Variants in GRIN2A observed in about 807,000 individuals in gnomAD.
GRIN2A encodes the protein glutamate ionotropic receptor NMDA type subunit 2A, also known as glutamate receptor ionotropic, NMDA 2A.
In GRIN2A, 22 loss-of-function variants were observed where a neutral mutation model predicts 113.4. The observed-to-expected ratio is 0.19, with a 90% CI of 0.14 to 0.28. The LOEUF (loss-of-function observed/expected upper bound fraction) is 0.28, where lower values mean the gene tolerates loss of function less well. Ranked by LOEUF, GRIN2A falls within the 10% of genes least tolerant of loss-of-function variation. The pLI is 1.00. For synonymous variants in GRIN2A, 827 were observed against 738.4 expected (o/e 1.12, Z -1.94); for missense variants, 1,502 against 1,887.0 (o/e 0.80, Z 3.78).
intron 2 of GRIN2A, among the ~76,000 whole-genome samples, chr16:10,125,883 C>T (rs78562298): frequency 6.6e-6 from 1 of 152,010 alleles, no homozygotes; most frequent in African/African-American, 2.4e-5. Flanking sequence ...TAGAGTACAG[C>T]GAGTTCTCTC....
chr16:10,094,883 C>CGA (rs2048256047), intron 2 of GRIN2A, among the ~76,000 whole-genome samples: 1 of 117,446 alleles, frequency 8.5e-6, no homozygotes, highest in Admixed American at 9.2e-5. Flanking sequence ...GAATGTGCAC[C>CGA]AAAAAAAAAA....
intron 2 of GRIN2A, among the ~76,000 whole-genome samples, chr16:10,130,160 G>A (rs930989879): frequency 1.3e-5 from 2 of 152,192 alleles, no homozygotes; most frequent in Non-Finnish European, 2.9e-5. Flanking sequence ...CTCATTCAAG[G>A]TTACATGGCT....
At chr16:10,156,621 T>TA (rs555661274) in intron 2 of GRIN2A, among the ~76,000 whole-genome samples, 4 of 152,052 alleles carry the variant, frequency 2.6e-5, no homozygotes, top group Admixed American at 6.6e-5. Context: ...TCTTCTGGCA[T>TA]AAAAAAAGAC....
At chr16:9,845,690 C>G (rs950952203) in intron 5 of GRIN2A, among the ~76,000 whole-genome samples, 1 of 152,190 alleles carries the variant, frequency 6.6e-6, no homozygotes, top group Non-Finnish European at 1.5e-5. Context: ...ATTGCCTCTA[C>G]CTGGAAGGCT....
intron 2 of GRIN2A, among the ~76,000 whole-genome samples, chr16:10,137,927 G>T (rs1470136583): frequency 6.6e-6 from 1 of 152,186 alleles, no homozygotes; most frequent in African/African-American, 2.4e-5. Flanking sequence ...CCTCTGAGGG[G>T]CCAGCTCCTT....
chr16:9,845,465 A>C lies in GRIN2A; in HGVS notation c.1328+4291T>G, dbSNP rs145767195. On this transcript the variant is annotated intron_variant, in intron 5 of 12. Coordinates refer to ENST00000330684, the MANE Select transcript of GRIN2A (RefSeq NM_001134407.3). ...TATCATAGGGGAGGTGTCCCACTGAAGTTAGACTCTGCTTTGTGCCAGCCA... is the reference window on the plus strand; with the variant it reads ...TATCATAGGGGAGGTGTCCCACTGACGTTAGACTCTGCTTTGTGCCAGCCA... Among the ~76,000 whole-genome samples the C allele has an allele frequency of 7.2e-3, 1,101 of 152,234 alleles. 9 individuals are homozygous for C. The highest frequency in any genetic ancestry group is 8.9e-3 in the Non-Finnish European group (603 of 68,022).
At chr16:9,769,154 T>C (rs1901104610) in intron 11 of GRIN2A, 65 bp from the exon 12 acceptor site, 2 of 1,283,524 alleles carry the variant, frequency 1.6e-6, no homozygotes, top group Non-Finnish European at 2.3e-6. Context: ...CAGACGCTTC[T>C]GGGTTTGGAA....
At chr16:10,057,161 G>T (rs559184949) in intron 2 of GRIN2A, among the ~76,000 whole-genome samples, 4 of 152,264 alleles carry the variant, frequency 2.6e-5, no homozygotes, top group African/African-American at 9.6e-5. Flanking sequence ...TATGTGCCAA[G>T]TGTTGTTCTG....
At chr16:9,899,442 A>T (rs2043873920) in intron 3 of GRIN2A, among the ~76,000 whole-genome samples, 1 of 144,200 alleles carries the variant, frequency 6.9e-6, no homozygotes, top group Admixed American at 6.9e-5. Flanking sequence ...CTCCGTCTCA[A>T]AAAAAAAAAA....
At chr16:9,840,591 C>T (rs2042656047) in intron 7 of GRIN2A, 56 bp downstream of exon 7, 1 of 1,532,716 alleles carries the variant, frequency 6.5e-7, no homozygotes, top group Non-Finnish European at 9.0e-7. Flanking sequence ...TCTGAGCAAA[C>T]AAGATTTCCT....
At chr16:9,861,543 A>T (rs2043068544) in intron 4 of GRIN2A, among the ~76,000 whole-genome samples, 2 of 152,184 alleles carry the variant, frequency 1.3e-5, no homozygotes, top group African/African-American at 4.8e-5. Context: ...TCTAAATGTA[A>T]TTGATCCAGA....
intron 2 of GRIN2A, among the ~76,000 whole-genome samples, chr16:10,108,253 C>A (rs1053663616): frequency 2.0e-5 from 3 of 152,160 alleles, no homozygotes; most frequent in Admixed American, 6.5e-5. Context: ...TGGCAGCAGG[C>A]AAAGACAGAG....
chr16:10,117,872 G>A (rs2142169223), intron 2 of GRIN2A, among the ~76,000 whole-genome samples: 1 of 152,344 alleles, frequency 6.6e-6, no homozygotes, highest in South Asian at 2.1e-4. Flanking sequence ...ATCCATTCTA[G>A]TTTTTTACTG....
Position 10,170,234 on chromosome 16 carries a change from G to A in GRIN2A, c.414+9764C>T, listed in dbSNP as rs533398748. 3.3e-5 allele frequency among the ~76,000 whole-genome samples: 5 copies of A among 152,302 alleles called. No homozygotes were observed. The East Asian group carries it at 7.7e-4, about 24-fold the overall frequency. The stretch of plus-strand genomic sequence containing the variant: ...CCTTGCAAAAACCATTCCCAAGTGA[G>A]TTGGATGTGATAGTTGGAACAGAGG... On this transcript the variant is annotated intron_variant, in intron 2 of 12. Coordinates refer to ENST00000330684, the MANE Select transcript of GRIN2A (RefSeq NM_001134407.3).
rs759574912 is a variant in GRIN2A at position 9,763,879 on chromosome 16, G to C, written c.3665C>G (p.Pro1222Arg). ...CATGGTGAAGTGGCCTGAATAGGTGGGCATGTTGGAAAGGCAGCTTCTGCA... is the reference window on the plus strand; with the variant it reads ...CATGGTGAAGTGGCCTGAATAGGTGCGCATGTTGGAAAGGCAGCTTCTGCA... Reference protein sequence around the residue: ...THCRSCLSNMPTYSGHFTMRS... With the variant: ...THCRSCLSNMRTYSGHFTMRS... Residue 1222 changes from proline (P) to arginine (R), a missense_variant, in exon 13 of 13, where the codon CCC (proline) becomes CGC (arginine). Physicochemically the swap from Pro to Arg is moderately radical, Grantham distance 103 (BLOSUM62 -2). Around this residue, in one of 7 missense-constraint regions of GRIN2A, gnomAD observed 832 missense variants for 789.7 expected, o/e 1.05. Transcript: ENST00000330684. 1 of 1,614,094 alleles carries C rather than the reference G, an allele frequency of 6.2e-7. No homozygotes were observed. Among genetic ancestry groups the C allele is most frequent in the Non-Finnish European group, 8.5e-7 (1 of 1,180,016 alleles).
rs1033856120 is a variant in GRIN2A at position 9,783,393 on chromosome 16, A to AT, written c.2357-14305dup. Among the ~76,000 whole-genome samples, 244 of 152,278 alleles carry AT rather than the reference A, an allele frequency of 1.6e-3. 1 individual carries two copies. The highest frequency in any genetic ancestry group is 5.3e-3 in the African/African-American group (222 of 41,564). ...TGGGGTTTTCAGTTTTGCCTGCTTT[A>AT]TTTTTAACACTGTTATTATAGTCAA... On this transcript the variant is annotated intron_variant, in intron 11 of 12. Transcript: ENST00000330684.
chr16:10,117,618 T>C (rs753623143), intron 2 of GRIN2A, among the ~76,000 whole-genome samples: 4 of 152,174 alleles, frequency 2.6e-5, no homozygotes, highest in African/African-American at 4.8e-5. Context: ...CCCGAACTGT[T>C]CACAGGGACC....
intron 12 of GRIN2A, among the ~76,000 whole-genome samples, chr16:9,768,149 T>C (rs1428758668): frequency 6.6e-6 from 1 of 152,160 alleles, no homozygotes; most frequent in Non-Finnish European, 1.5e-5. Flanking sequence ...CAAGCTCCGC[T>C]TCCCGGGTTC....
intron 4 of GRIN2A, among the ~76,000 whole-genome samples, chr16:9,874,312 C>T (rs1371556424): frequency 6.6e-6 from 1 of 152,158 alleles, no homozygotes; most frequent in Non-Finnish European, 1.5e-5. Flanking sequence ...CAGTTTACTG[C>T]AGGGGTGGGG....
Sources: gnomAD v4.1 joint callset for allele counts (sites outside exome capture counted in the v4.1 genomes callset) on GRCh38, gnomAD v4.1.1 for gene constraint, gnomAD v4.1.1 regional missense constraint, MANE v1.5 for transcripts, NCBI Gene and HGNC (gene_info 2026-07-23, HGNC 2026-07-21) for gene names.